Variants in KCNJ6 observed in about 807,000 individuals in gnomAD.
The protein encoded by KCNJ6 is potassium inwardly rectifying channel subfamily J member 6, also known as G protein-activated inward rectifier potassium channel 2.
Under a neutral mutation model 34.2 loss-of-function variants are expected in KCNJ6, and 9 were observed. The observed-to-expected ratio is 0.26, with a 90% CI of 0.16 to 0.46. The LOEUF is 0.46. Ranked by LOEUF, KCNJ6 falls within the 20% of genes least tolerant of loss-of-function variation. The pLI is 1.00. For missense variants in KCNJ6, 236 were observed against 531.3 expected, an observed-to-expected ratio of 0.44 and a Z score of 5.46; for synonymous variants, 196 against 207.1, an observed-to-expected ratio of 0.95 and a Z score of 0.46.
chr21:37,847,448 G>C (rs1218559303), intron 1 of KCNJ6, among the ~76,000 whole-genome samples: 3 of 152,168 alleles, frequency 2.0e-5, no homozygotes, highest in Non-Finnish European at 4.4e-5. Flanking sequence ...CTGGTGAGAA[G>C]TCCTAGAAAT....
In KCNJ6 at chr21:37,916,183, TG is replaced by T. The variant is rs2055893281; in HGVS notation, c.-328del. ...CGGCCGTCTCCGGACTGGCTCCCTCTGGCCGAGCGCGGAGAGCAGGGCTGGG... is the reference window on the plus strand; with the variant it reads ...CGGCCGTCTCCGGACTGGCTCCCTCTGCCGAGCGCGGAGAGCAGGGCTGGG... On this transcript the variant is annotated 5_prime_UTR_variant, in exon 1 of 4. An upstream open reading frame in the 5' UTR loses its in-frame stop. Coordinates refer to ENST00000609713, the MANE Select transcript of KCNJ6 (RefSeq NM_002240.5). 1 of 151,464 alleles carries T rather than the reference TG, an allele frequency of 6.6e-6. No individual in the cohort carries two copies. Among genetic ancestry groups the T allele is most frequent in the African/African-American group, 2.4e-5 (1 of 41,164 alleles). 9.4% of individuals were successfully genotyped at this position (151,464 alleles called of 1,614,324 possible).
At chr21:37,629,154 A>C (rs1362114013) in intron 3 of KCNJ6, among the ~76,000 whole-genome samples, 1 of 152,210 alleles carries the variant, frequency 6.6e-6, no homozygotes, top group Non-Finnish European at 1.5e-5. Context: ...TGAAGAAATA[A>C]AGAACACTGG....
intron 3 of KCNJ6, among the ~76,000 whole-genome samples, chr21:37,643,199 T>A (rs1381836982): frequency 2.0e-5 from 3 of 152,176 alleles, no homozygotes; most frequent in Non-Finnish European, 4.4e-5. Flanking sequence ...ATTGTGCTTT[T>A]GAGAAGACAA....
intron 2 of KCNJ6, among the ~76,000 whole-genome samples, chr21:37,753,640 G>A (rs555383575): frequency 7.2e-5 from 11 of 152,152 alleles, no homozygotes; most frequent in Non-Finnish European, 1.6e-4. Flanking sequence ...GAATCGAAAA[G>A]GTTAAAAAAG....
intron 3 of KCNJ6, among the ~76,000 whole-genome samples, chr21:37,702,633 C>T (rs969176015): frequency 2.0e-5 from 3 of 152,030 alleles, no homozygotes; most frequent in Non-Finnish European, 2.9e-5. Flanking sequence ...GAGGTTAGTA[C>T]TGAAGATAGA....
chr21:37,753,635 G>A (rs1194565543), intron 2 of KCNJ6, among the ~76,000 whole-genome samples: 1 of 152,138 alleles, frequency 6.6e-6, no homozygotes, highest in Non-Finnish European at 1.5e-5. Flanking sequence ...ACTTGGAATC[G>A]AAAAGGTTAA....
rs747282207 is a variant in KCNJ6 at position 37,619,505 on chromosome 21, A to T, written c.*5654T>A. 1 of 152,220 alleles carries T rather than the reference A, an allele frequency of 6.6e-6. No homozygotes were observed. Among genetic ancestry groups the T allele is most frequent in the Non-Finnish European group, 1.5e-5 (1 of 68,044 alleles). 9.4% of individuals were successfully genotyped at this position (152,220 alleles called of 1,614,324 possible). A position where few individuals can be genotyped will look rare whatever the true frequency, so the allele number is the denominator to read the frequency against. Reference sequence around the variant, plus strand: ...ATTTAGTTCTTTAATTACACATTAAACTTCTAGCTTAGTGGCTAGAGAGAG... The same window carrying T: ...ATTTAGTTCTTTAATTACACATTAATCTTCTAGCTTAGTGGCTAGAGAGAG... On this transcript the variant is annotated 3_prime_UTR_variant, in exon 4 of 4. Transcript: ENST00000609713.
chr21:37,845,261 CTTTTAAAATGAAAAGAA>C (rs2055500834), intron 1 of KCNJ6, among the ~76,000 whole-genome samples: 2 of 152,152 alleles, frequency 1.3e-5, no homozygotes, highest in Admixed American at 1.3e-4. Context: ...ATCTCATGTT[CTTTTAAAATGAAAAGAA>C]AATCAGAAAA....
intron 3 of KCNJ6, among the ~76,000 whole-genome samples, chr21:37,649,847 G>A (rs2054424477): frequency 6.6e-6 from 1 of 152,130 alleles, no homozygotes; most frequent in South Asian, 2.1e-4. Flanking sequence ...CCGCCTCCCA[G>A]GTTCACGCCA....
At position 37,675,578 on chromosome 21, in the gene KCNJ6, G is replaced by A. The variant is rs1383114344; in HGVS notation, c.946+38633C>T. Among the ~76,000 whole-genome samples, 2 of 152,358 alleles carry A rather than the reference G, an allele frequency of 1.3e-5. No homozygotes were observed. Among genetic ancestry groups the A allele is most frequent in the Non-Finnish European group, 2.9e-5 (2 of 68,036 alleles). Reference sequence around the variant, plus strand: ...CGATGACACCCAGTCCCTGGGCGCCGCCGCATCGCCCTGCCCTGAGCGGAA... The same window carrying A: ...CGATGACACCCAGTCCCTGGGCGCCACCGCATCGCCCTGCCCTGAGCGGAA... On this transcript the variant is annotated intron_variant, in intron 3 of 3. Coordinates refer to ENST00000609713, the MANE Select transcript of KCNJ6 (RefSeq NM_002240.5). This position sits in a 1 kb window ranked among gnomAD's most constrained non-coding sequence, Gnocchi z 4.2.
chr21:37,651,644 G>A (rs1216192450), intron 3 of KCNJ6, among the ~76,000 whole-genome samples: 1 of 152,220 alleles, frequency 6.6e-6, no homozygotes, highest in East Asian at 1.9e-4. Flanking sequence ...AAATTCCCTT[G>A]ATGTCATCTA....
Position 37,607,383 on chromosome 21 carries a change from T to A in KCNJ6, c.*17776A>T, listed in dbSNP as rs2123344616. 1 of 151,306 alleles carries A rather than the reference T, an allele frequency of 6.6e-6. No homozygotes were observed. Among genetic ancestry groups the A allele is most frequent in the Non-Finnish European group, 1.5e-5 (1 of 67,870 alleles). 9.4% of individuals were successfully genotyped at this position (151,306 alleles called of 1,614,324 possible). On this transcript the variant is annotated 3_prime_UTR_variant, in exon 4 of 4. Transcript: ENST00000609713. The stretch of plus-strand genomic sequence containing the variant: ...AAAAAGAAACCAAGGCCATATCAAA[T>A]TTTTCTTTTATTGTTCCAGTCAAAA...
At chr21:37,733,778 C>T (rs2054898408) in intron 2 of KCNJ6, among the ~76,000 whole-genome samples, 1 of 152,190 alleles carries the variant, frequency 6.6e-6, no homozygotes, top group South Asian at 2.1e-4. Flanking sequence ...CAATGTCTCC[C>T]TGTATGGTCA....
At chr21:37,872,385 A>G (rs2055656898) in intron 1 of KCNJ6, among the ~76,000 whole-genome samples, 2 of 152,178 alleles carry the variant, frequency 1.3e-5, no homozygotes, top group Admixed American at 1.3e-4. Context: ...GGATCTTACA[A>G]AGTCAAAGGG....
chr21:37,702,234 CAA>C (rs374421896), intron 3 of KCNJ6, among the ~76,000 whole-genome samples: 4 of 97,788 alleles, frequency 4.1e-5, no homozygotes, highest in African/African-American at 4.0e-5. Context: ...TTTTGTCTCA[CAA>C]AAAAAAAAAA....
At position 37,654,841 on chromosome 21, in the gene KCNJ6, C is replaced by T. The variant is rs183337775; in HGVS notation, c.947-29357G>A. Among the ~76,000 whole-genome samples the T allele has an allele frequency of 2.0e-5, 3 of 152,336 alleles. No individual in the cohort carries two copies. The East Asian group carries it at 5.8e-4, about 29-fold the overall frequency. ...CCCCTGGCTGGGTCTGGGGATGCAG[C>T]TCTCTCCCTGGCTCTGGGTGAGGAG... On this transcript the variant is annotated intron_variant, in intron 3 of 3. Coordinates refer to ENST00000609713, the MANE Select transcript of KCNJ6 (RefSeq NM_002240.5).
intron 1 of KCNJ6, among the ~76,000 whole-genome samples, chr21:37,890,907 G>C (rs1355890710): frequency 6.6e-6 from 1 of 152,148 alleles, no homozygotes; most frequent in Non-Finnish European, 1.5e-5. Flanking sequence ...TTACAGAATC[G>C]AATCTGGCAA....
intron 3 of KCNJ6, among the ~76,000 whole-genome samples, chr21:37,631,893 CTG>C (rs1377668599): frequency 6.6e-6 from 1 of 152,140 alleles, no homozygotes; most frequent in African/African-American, 2.4e-5. Flanking sequence ...GTGCCAAAAA[CTG>C]AGAGAGAGCC....
At chr21:37,833,312 G>A (rs2055435964) in intron 2 of KCNJ6, among the ~76,000 whole-genome samples, 1 of 152,168 alleles carries the variant, frequency 6.6e-6, no homozygotes, top group African/African-American at 2.4e-5. Context: ...ACTGCACCCG[G>A]CTGACTTCTC....
Sources: gnomAD v4.1 joint callset for allele counts (sites outside exome capture counted in the v4.1 genomes callset) on GRCh38, gnomAD v4.1.1 for gene constraint, Gnocchi (gnomAD v3.1) non-coding constraint, MANE v1.5 for transcripts, NCBI Gene and HGNC (gene_info 2026-07-23, HGNC 2026-07-21) for gene names.